The following PIAS2 variants were observed in gnomAD, a reference collection of about 807,000 sequenced individuals.
The protein encoded by PIAS2 is protein inhibitor of activated STAT 2, also known as E3 SUMO-protein ligase PIAS2.
A neutral mutation model predicts 69.7 loss-of-function variants in PIAS2; 19 were observed. The ratio of observed to expected loss-of-function variants is 0.27; its 90% CI spans 0.19 to 0.40. The LOEUF is 0.40. PIAS2 is among the 10% of genes least tolerant of loss of function. The pLI is 1.00. For synonymous variants in PIAS2, 261 were observed against 263.2 expected (o/e 0.99, Z 0.08); for missense variants, 624 against 757.0 (o/e 0.82, Z 2.06).
chr18:46,846,592 T>C, intron 6 of PIAS2, 115 bp downstream of exon 6: 1 of 1,066,942 alleles, frequency 9.4e-7, no homozygotes, highest in Non-Finnish European at 1.3e-6. Flanking sequence ...TTACTGCTTT[T>C]TAGAGATTAC....
intron 12 of PIAS2, 88 bp from the exon 13 acceptor site, chr18:46,815,437 A>C: frequency 6.3e-7 from 1 of 1,596,028 alleles, no homozygotes; most frequent in Non-Finnish European, 8.6e-7. Context: ...CAAATCACAA[A>C]ACATTTGTGG....
intron 3 of PIAS2, among the ~76,000 whole-genome samples, chr18:46,863,345 G>A (rs904537652): frequency 6.6e-6 from 1 of 151,910 alleles, no homozygotes; most frequent in African/African-American, 2.4e-5. Flanking sequence ...TTTTTCAGAT[G>A]GGGTCTCGCT....
Position 46,812,565 on chromosome 18 carries a change from T to G in PIAS2, c.1734A>C (p.Ala578=), listed in dbSNP as rs1226706915. Residue 578 remains alanine, a synonymous_variant, in exon 14 of 14, where the codon GCA becomes GCC. Transcript: ENST00000585916. The stretch of plus-strand genomic sequence containing the variant: ...TGGTGGTGGTGACAGACGTACTGCT[T>G]GCTGTTAAGGGTGAGGTGAGACTAT... The part of the protein sequence containing the change: ...FLDSLTSPLT[A]SSTSVTTTSS... 1 of 1,613,508 alleles carries G rather than the reference T, an allele frequency of 6.2e-7. No individual in the cohort carries two copies. The highest frequency in any genetic ancestry group is 1.3e-5 in the African/African-American group (1 of 75,008).
At chr18:46,838,894 TTTTAA>T (rs1485901081) in intron 8 of PIAS2, among the ~76,000 whole-genome samples, 1 of 152,220 alleles carries the variant, frequency 6.6e-6, no homozygotes, top group East Asian at 1.9e-4. Context: ...GGTGTTAGTT[TTTTAA>T]TTTAATTACC....
intron 5 of PIAS2, among the ~76,000 whole-genome samples, chr18:46,849,415 C>T (rs900597357): frequency 6.6e-6 from 1 of 152,034 alleles, no homozygotes; most frequent in Non-Finnish European, 1.5e-5. Flanking sequence ...TAAAGTTTAG[C>T]CTTCACACAT....
At chr18:46,918,128 A>C (rs1033642901), upstream of PIAS2, 2 of 152,206 alleles carry the variant, frequency 1.3e-5, no homozygotes, top group African/African-American at 4.8e-5. Flanking sequence ...CATGCTAAAA[A>C]GTCGGGGAAA....
chr18:46,867,941 A>G (rs1451946045), intron 2 of PIAS2, among the ~76,000 whole-genome samples: 1 of 152,218 alleles, frequency 6.6e-6, no homozygotes, highest in Non-Finnish European at 1.5e-5. Context: ...CTCATGCTAT[A>G]AAGAAGCCCA....
intron 9 of PIAS2, among the ~76,000 whole-genome samples, chr18:46,835,239 G>A (rs1385047006): frequency 2.0e-5 from 3 of 152,166 alleles, no homozygotes; most frequent in East Asian, 1.9e-4. Context: ...AAGGGAGAAA[G>A]TGATAAAACA....
At chr18:46,841,872 G>C (rs556721089) in intron 8 of PIAS2, among the ~76,000 whole-genome samples, 1 of 152,276 alleles carries the variant, frequency 6.6e-6, no homozygotes, top group African/African-American at 2.4e-5. Flanking sequence ...ATGTTTGGAA[G>C]GAACTGCTCC....
chr18:46,842,246 TA>T (rs755000016), intron 8 of PIAS2, among the ~76,000 whole-genome samples: 4,267 of 35,472 alleles, frequency 0.12, 185 homozygotes, highest in African/African-American at 0.29. Context: ...TAAAATAAAT[TA>T]AAAAAAAAAA....
intron 2 of PIAS2, among the ~76,000 whole-genome samples, chr18:46,886,403 T>C (rs1455354497): frequency 6.6e-6 from 1 of 152,134 alleles, no homozygotes; most frequent in Admixed American, 6.5e-5. Context: ...CATGATACTG[T>C]CCAAATGCCA....
chr18:46,858,679 C>T (rs1319198452), intron 3 of PIAS2, among the ~76,000 whole-genome samples: 2 of 152,236 alleles, frequency 1.3e-5, no homozygotes, highest in East Asian at 3.9e-4. Context: ...GCCTGGGTGA[C>T]AGAGCAAGAC....
At chr18:46,871,657 C>G (rs187211393) in intron 2 of PIAS2, among the ~76,000 whole-genome samples, 1 of 152,274 alleles carries the variant, frequency 6.6e-6, no homozygotes, top group African/African-American at 2.4e-5. Context: ...TCAAGAGCAG[C>G]TCGTTCCTGT....
At chr18:46,824,209 C>G (rs1051198996) in intron 11 of PIAS2, among the ~76,000 whole-genome samples, 3 of 152,160 alleles carry the variant, frequency 2.0e-5, no homozygotes, top group Admixed American at 2.0e-4. Context: ...TTGCATGAAA[C>G]TCACATTTGC....
At chr18:46,818,234 C>T in intron 12 of PIAS2, 1 of 1,226,972 alleles carries the variant, frequency 8.2e-7, no homozygotes, top group Non-Finnish European at 1.0e-6. Flanking sequence ...AAATGTTTAG[C>T]ACTTTCAAAT....
At position 46,806,701 on chromosome 18, in the gene PIAS2, T is replaced by C. The variant is rs939752565; in HGVS notation, c.*5732A>G. On this transcript the variant is annotated 3_prime_UTR_variant, in exon 14 of 14. Coordinates refer to ENST00000585916, the MANE Select transcript of PIAS2 (RefSeq NM_004671.5). ...AACCTTGATTATAAGCTGCCTGATG[T>C]CTGGAACCAAAACTTCTGTAACACT... 2.6e-5 allele frequency: 4 copies of C among 152,140 alleles called. No individual in the cohort carries two copies. The highest frequency in any genetic ancestry group is 9.7e-5 in the African/African-American group (4 of 41,436). 9.4% of individuals were successfully genotyped at this position (152,140 alleles called of 1,614,324 possible).
chr18:46,807,410 T>TTTTTTG lies in PIAS2; in HGVS notation c.*5022_*5023insCAAAAA, dbSNP rs2040764255. Reference sequence around the variant, plus strand: ...TTTTTTTTTTTTTTTTTTTTTTTTTTAGAGAGTCTTGCTTTGTTACCCAGG... The same window carrying TTTTTTG: ...TTTTTTTTTTTTTTTTTTTTTTTTTTTTTTTGAGAGAGTCTTGCTTTGTTACCCAGG... On this transcript the variant is annotated 3_prime_UTR_variant, in exon 14 of 14. Coordinates refer to ENST00000585916, the MANE Select transcript of PIAS2 (RefSeq NM_004671.5). 1.8e-5 allele frequency: 2 copies of TTTTTTG among 113,876 alleles called. No individual in the cohort carries two copies. Among genetic ancestry groups the TTTTTTG allele is most frequent in the Non-Finnish European group, 3.6e-5 (2 of 55,024 alleles). 7.1% of individuals were successfully genotyped at this position (113,876 alleles called of 1,614,324 possible).
intron 9 of PIAS2, among the ~76,000 whole-genome samples, chr18:46,832,919 T>C (rs1448163690): frequency 1.5e-5 from 2 of 136,820 alleles, no homozygotes; most frequent in Admixed American, 1.4e-4. Flanking sequence ...AGAGAAGCCA[T>C]ACCAAATGTT....
At chr18:46,856,565 T>G (rs2047870662) in intron 3 of PIAS2, among the ~76,000 whole-genome samples, 1 of 152,162 alleles carries the variant, frequency 6.6e-6, no homozygotes, top group African/African-American at 2.4e-5. Flanking sequence ...TCCAAACTCT[T>G]GCCACGCAAC....
Sources: allele counts gnomAD v4.1 joint callset (sites outside exome capture counted in the v4.1 genomes callset), GRCh38; gene constraint gnomAD v4.1.1; transcripts MANE v1.5; gene names NCBI Gene and HGNC (gene_info 2026-07-23, HGNC 2026-07-21).